The following PLCB4 variants were observed in gnomAD, a reference collection of about 807,000 sequenced individuals.
PLCB4 encodes 1-phosphatidylinositol 4,5-bisphosphate phosphodiesterase beta-4.
Under a neutral mutation model 178.8 loss-of-function variants are expected in PLCB4, and 77 were observed. The ratio of observed to expected loss-of-function variants is 0.43; its 90% CI spans 0.36 to 0.52. The LOEUF (loss-of-function observed/expected upper bound fraction) is 0.52, where lower values mean the gene tolerates loss of function less well. PLCB4 is among the 20% of genes least tolerant of loss of function. PLCB4 has a pLI of 0.00. For missense variants in PLCB4, 1,024 were observed against 1,453.4 expected (o/e 0.70, Z 4.80); for synonymous variants, 496 against 490.8 (o/e 1.01, Z -0.14).
At chr20:9,187,840 T>G (rs1435673385) in intron 2 of PLCB4, among the ~76,000 whole-genome samples, 2 of 152,240 alleles carry the variant, frequency 1.3e-5, no homozygotes, top group Non-Finnish European at 2.9e-5. Flanking sequence ...GGGTTGTCCA[T>G]GTTCCTCTTA....
At chr20:9,278,194 G>T (rs778610175) in intron 3 of PLCB4, among the ~76,000 whole-genome samples, 5 of 152,030 alleles carry the variant, frequency 3.3e-5, no homozygotes, top group Non-Finnish European at 7.4e-5. Flanking sequence ...GAGGTGGCTT[G>T]TGAACTGCAA....
intron 1 of PLCB4, among the ~76,000 whole-genome samples, chr20:9,076,473 T>A (rs902828136): frequency 6.6e-6 from 1 of 151,800 alleles, no homozygotes; most frequent in African/African-American, 2.4e-5. Flanking sequence ...TCTCAAAAAA[T>A]AAATAAATAA....
intron 1 of PLCB4, among the ~76,000 whole-genome samples, chr20:9,091,300 G>C (rs762327840): frequency 5.3e-5 from 8 of 152,066 alleles, no homozygotes; most frequent in Non-Finnish European, 7.4e-5. Flanking sequence ...GTCACTATCT[G>C]GGTCATGTGG....
chr20:9,343,236 A>C lies in PLCB4; in HGVS notation c.369+4199A>C, dbSNP rs150747392. On this transcript the variant is annotated intron_variant, in intron 7 of 39. Coordinates refer to ENST00000378473, the MANE Select transcript of PLCB4 (RefSeq NM_001377142.1). ...TTCCTAGGCTCTTATTACACTTAAG[A>C]TCTGACCATTTGGAATAATTCACTT... Among the ~76,000 whole-genome samples, 97 of 152,108 alleles carry C rather than the reference A, an allele frequency of 6.4e-4. 2 individuals are homozygous for C. In the East Asian group the frequency reaches 0.014, roughly 22 times the overall value.
chr20:9,377,333 C>G (rs1044268597), intron 12 of PLCB4, among the ~76,000 whole-genome samples: 2 of 152,098 alleles, frequency 1.3e-5, no homozygotes, highest in East Asian at 3.9e-4. Flanking sequence ...CTGATGGTTC[C>G]TCAGAGATGT....
intron 20 of PLCB4, among the ~76,000 whole-genome samples, chr20:9,401,838 AT>A (rs1229759935): frequency 6.6e-6 from 1 of 152,138 alleles, no homozygotes; most frequent in Non-Finnish European, 1.5e-5. Flanking sequence ...TCCTCTAAAT[AT>A]TATCATTTAT....
intron 3 of PLCB4, among the ~76,000 whole-genome samples, chr20:9,223,223 G>A (rs1257928180): frequency 6.6e-6 from 1 of 152,160 alleles, no homozygotes; most frequent in Non-Finnish European, 1.5e-5. Flanking sequence ...TGGGGCTGGA[G>A]TGTTACATAT....
At chr20:9,205,313 G>C (rs984988715) in intron 2 of PLCB4, among the ~76,000 whole-genome samples, 1 of 152,168 alleles carries the variant, frequency 6.6e-6, no homozygotes, top group Non-Finnish European at 1.5e-5. Context: ...GGTAGGCTGG[G>C]CTAAGCTATG....
intron 4 of PLCB4, among the ~76,000 whole-genome samples, chr20:9,309,948 T>G: frequency 6.6e-6 from 1 of 152,216 alleles, no homozygotes; most frequent in East Asian, 1.9e-4. Flanking sequence ...GAACAAGTAT[T>G]AAATAAAATG....
chr20:9,308,884 G>A (rs1423213981), intron 4 of PLCB4, among the ~76,000 whole-genome samples: 1 of 152,168 alleles, frequency 6.6e-6, no homozygotes, highest in African/African-American at 2.4e-5. Context: ...CTGTTCATAT[G>A]TCTGAAATTA....
At chr20:9,127,670 CTAT>C (rs1213269828) in intron 2 of PLCB4, among the ~76,000 whole-genome samples, 1,614 of 151,830 alleles carry the variant, frequency 0.011, 19 homozygotes, top group African/African-American at 0.016. Flanking sequence ...ATCTATCTAT[CTAT>C]CTATCTATCT....
At chr20:9,433,324 TAA>T (rs2148629486) in intron 28 of PLCB4, among the ~76,000 whole-genome samples, 1 of 152,302 alleles carries the variant, frequency 6.6e-6, no homozygotes, top group South Asian at 2.1e-4. Context: ...AAAATTGACT[TAA>T]GAGACATAAT....
At chr20:9,271,502 G>A (rs1009626204) in intron 3 of PLCB4, among the ~76,000 whole-genome samples, 3 of 152,020 alleles carry the variant, frequency 2.0e-5, no homozygotes, top group Admixed American at 2.0e-4. Context: ...CAACCATTTT[G>A]CATTTAAGCT....
intron 2 of PLCB4, among the ~76,000 whole-genome samples, chr20:9,119,537 G>A (rs929657613): frequency 1.4e-5 from 2 of 147,572 alleles, no homozygotes; most frequent in Non-Finnish European, 3.0e-5. Flanking sequence ...AAAAAACAAA[G>A]TAGTCACTCC....
At chr20:9,211,348 C>T (rs1471020148) in intron 2 of PLCB4, among the ~76,000 whole-genome samples, 1 of 152,140 alleles carries the variant, frequency 6.6e-6, no homozygotes, top group Non-Finnish European at 1.5e-5. Context: ...AGGTCTTTGC[C>T]CTTCATCTCT....
chr20:9,242,969 T>C (rs934865433), intron 3 of PLCB4, among the ~76,000 whole-genome samples: 3 of 152,154 alleles, frequency 2.0e-5, no homozygotes, highest in African/African-American at 4.8e-5. Context: ...AATGGATAGA[T>C]GGATTTAGCA....
rs552505771 is a variant in PLCB4, at chr20:9,112,087, C to G, written c.-79+15745C>G. On this transcript the variant is annotated intron_variant, in intron 2 of 39. Coordinates refer to ENST00000378473, the MANE Select transcript of PLCB4 (RefSeq NM_001377142.1). ...AGTCCCTTTACCTGTGCTTTACTTT[C>G]ATTATCACAAAAATATCCTTAACTC... 7.2e-5 allele frequency among the ~76,000 whole-genome samples: 11 copies of G among 152,200 alleles called. No homozygotes were observed. The East Asian group carries it at 2.1e-3, about 29-fold the overall frequency.
At chr20:9,290,178 A>C (rs200964351) in intron 3 of PLCB4, among the ~76,000 whole-genome samples, 78 of 133,014 alleles carry the variant, frequency 5.9e-4, no homozygotes, top group African/African-American at 2.0e-3. Flanking sequence ...GAAAAAAAAA[A>C]CCAAAAAAAA....
At chr20:9,264,485 A>G (rs1465632925) in intron 3 of PLCB4, among the ~76,000 whole-genome samples, 1 of 152,162 alleles carries the variant, frequency 6.6e-6, no homozygotes, top group African/African-American at 2.4e-5. Context: ...GCCTCTCTCA[A>G]TGGGGCCCTT....
Sources: gnomAD v4.1 joint callset for allele counts (sites outside exome capture counted in the v4.1 genomes callset) on GRCh38, gnomAD v4.1.1 for gene constraint, MANE v1.5 for transcripts, NCBI Gene and HGNC (gene_info 2026-07-23, HGNC 2026-07-21) for gene names.